ARHGAP29: variants seen among roughly 807,000 people sequenced by gnomAD.
ARHGAP29 encodes Rho GTPase activating protein 29.
A neutral mutation model predicts 122.6 loss-of-function variants in ARHGAP29; 43 were observed. The observed-to-expected ratio is 0.35, with a 90% CI of 0.27 to 0.45. The LOEUF (loss-of-function observed/expected upper bound fraction) is 0.45, where lower values mean the gene tolerates loss of function less well. ARHGAP29 is among the 20% of genes least tolerant of loss of function. ARHGAP29 has a pLI of 1.00. For synonymous variants in ARHGAP29, 506 were observed against 497.1 expected, an observed-to-expected ratio of 1.02 and a Z score of -0.24; for missense variants, 1,303 against 1,477.2, an observed-to-expected ratio of 0.88 and a Z score of 1.93.
the ARHGAP29 span, among the ~76,000 whole-genome samples, chr1:94,304,294 C>T: frequency 6.6e-6 from 1 of 152,306 alleles, no homozygotes; most frequent in African/African-American, 2.4e-5. Context: ...TGTGTATTAC[C>T]ACGTCCTGCT....
chr1:94,184,820 A>G, intron 18 of ARHGAP29, 52 bp downstream of exon 18: 1 of 1,386,142 alleles, frequency 7.2e-7, no homozygotes, highest in South Asian at 1.4e-5. Flanking sequence ...TTTCATTAGA[A>G]TAGGTTACAC....
At chr1:94,211,421 T>C (rs1651609411) in intron 3 of ARHGAP29, among the ~76,000 whole-genome samples, 1 of 149,906 alleles carries the variant, frequency 6.7e-6, no homozygotes, top group Admixed American at 6.7e-5. Context: ...GTGATTTCAA[T>C]AACCCTTCGC....
chr1:94,266,498 C>G (rs1570624937), intron 1 of ARHGAP29, among the ~76,000 whole-genome samples: 2 of 152,276 alleles, frequency 1.3e-5, no homozygotes, highest in Admixed American at 1.3e-4. Context: ...AACTGAAGAG[C>G]TAACTCCTTA....
chr1:94,183,204 AT>A (rs11342358), intron 19 of ARHGAP29, among the ~76,000 whole-genome samples: 82,855 of 136,682 alleles, frequency 0.61, 23,688 homozygotes, highest in Middle Eastern at 0.76. Flanking sequence ...ATTAAAAAAA[AT>A]TTTTTTTTTT....
chr1:94,248,544 A>G (rs1478723639), intron 1 of ARHGAP29, among the ~76,000 whole-genome samples: 2 of 152,232 alleles, frequency 1.3e-5, no homozygotes, highest in East Asian at 1.9e-4. Flanking sequence ...TAGCTGATTA[A>G]TGGGTAAAAT....
At chr1:94,183,352 T>G (rs1352212054) in intron 19 of ARHGAP29, among the ~76,000 whole-genome samples, 1 of 152,176 alleles carries the variant, frequency 6.6e-6, no homozygotes, top group Non-Finnish European at 1.5e-5. Flanking sequence ...GGTCTTTTTT[T>G]GTACGTGTCT....
rs1202420048 is a variant in ARHGAP29 at position 94,170,990 on chromosome 1, C to G, written c.*2879G>C. 6.6e-6 allele frequency among the ~76,000 whole-genome samples: 1 copy of G among 152,120 alleles called. No individual in the cohort carries two copies. Among genetic ancestry groups the G allele is most frequent in the African/African-American group, 2.4e-5 (1 of 41,416 alleles). On this transcript the variant is annotated 3_prime_UTR_variant, in exon 23 of 23. Transcript: ENST00000260526. Reference sequence around the variant, plus strand: ...AAATTTGCTAACTCCTAGATGTTAACTGAATAGTCTACATATATAATCATA... The same window carrying G: ...AAATTTGCTAACTCCTAGATGTTAAGTGAATAGTCTACATATATAATCATA...
At chr1:94,298,387 C>T in the ARHGAP29 span, among the ~76,000 whole-genome samples, 41 of 152,022 alleles carry the variant, frequency 2.7e-4, no homozygotes, top group Non-Finnish European at 5.1e-4. Flanking sequence ...GGTCTTTGTT[C>T]AGCATCTAAA....
At chr1:94,213,569 A>C (rs558902472) in intron 3 of ARHGAP29, among the ~76,000 whole-genome samples, 1 of 152,348 alleles carries the variant, frequency 6.6e-6, no homozygotes, top group South Asian at 2.1e-4. Context: ...CATAGATGAT[A>C]CATAAATGGA....
the ARHGAP29 span, among the ~76,000 whole-genome samples, chr1:94,307,865 T>C: frequency 2.6e-5 from 4 of 152,226 alleles, no homozygotes; most frequent in South Asian, 6.2e-4. Context: ...ATTTTCTTAA[T>C]GGGAAAGGCC....
At chr1:94,270,648 A>G (rs1183642782) in intron 1 of ARHGAP29, among the ~76,000 whole-genome samples, 6 of 152,210 alleles carry the variant, frequency 3.9e-5, no homozygotes, top group Admixed American at 3.3e-4. Context: ...CACCTATGCC[A>G]TGCAGGGATC....
rs1648546890 is a variant in ARHGAP29, at chr1:94,169,005, T to TA, written c.*4863dup. ...GTGAGGACACTTAAAAATAGCATGA[T>TA]ACAGTTATTGTAGGAAGTATTAATA... On this transcript the variant is annotated 3_prime_UTR_variant, in exon 23 of 23. Transcript: ENST00000260526. 6.6e-6 allele frequency among the ~76,000 whole-genome samples: 1 copy of TA among 152,218 alleles called. No individual in the cohort carries two copies. Among genetic ancestry groups the TA allele is most frequent in the Admixed American group, 6.5e-5 (1 of 15,282 alleles).
intron 1 of ARHGAP29, among the ~76,000 whole-genome samples, chr1:94,254,178 A>G (rs1046579663): frequency 2.0e-5 from 3 of 152,228 alleles, no homozygotes; most frequent in African/African-American, 7.2e-5. Context: ...TTTCACTTCA[A>G]AGACCTTCAA....
chr1:94,255,513 T>C (rs1654306913), intron 1 of ARHGAP29, among the ~76,000 whole-genome samples: 1 of 152,202 alleles, frequency 6.6e-6, no homozygotes, highest in Non-Finnish European at 1.5e-5. Context: ...TCCAGGACCA[T>C]CCTCTTCCCT....
chr1:94,190,277 T>C, intron 12 of ARHGAP29, 194 bp from the exon 13 acceptor site: 2 of 500,862 alleles, frequency 4.0e-6, no homozygotes, highest in Non-Finnish European at 6.6e-6. Flanking sequence ...TTGAATCTAA[T>C]ATCTAGGAGC....
chr1:94,277,274 A>C (rs1190529629), upstream of ARHGAP29, among the ~76,000 whole-genome samples: 3 of 152,228 alleles, frequency 2.0e-5, no homozygotes, highest in Non-Finnish European at 2.9e-5. Context: ...GAAATTGGAA[A>C]GCAGGCCAAC....
At chr1:94,187,271 C>A (rs1649866334) in intron 15 of ARHGAP29, among the ~76,000 whole-genome samples, 1 of 152,162 alleles carries the variant, frequency 6.6e-6, no homozygotes, top group Non-Finnish European at 1.5e-5. Flanking sequence ...GAAGAATTCA[C>A]CTTAACGTAA....
chr1:94,221,660 T>C (rs1211628085), intron 2 of ARHGAP29, among the ~76,000 whole-genome samples: 1 of 150,884 alleles, frequency 6.6e-6, no homozygotes, highest in African/African-American at 2.4e-5. Context: ...TACAAATGTA[T>C]GTGCACATAT....
At chr1:94,302,810 G>A in the ARHGAP29 span, 1 of 242,568 alleles carries the variant, frequency 4.1e-6, no homozygotes, top group South Asian at 4.3e-5. Context: ...TGGTGAAGCG[G>A]CATCGGAGGG....
Sources: allele counts gnomAD v4.1 joint callset (sites outside exome capture counted in the v4.1 genomes callset), GRCh38; gene constraint gnomAD v4.1.1; transcripts MANE v1.5; gene names NCBI Gene and HGNC (gene_info 2026-07-23, HGNC 2026-07-21).